Variants in DOCK3 observed in about 807,000 individuals in gnomAD.
The protein encoded by DOCK3 is dedicator of cytokinesis 3.
A neutral mutation model predicts 265.6 loss-of-function variants in DOCK3; 60 were observed. The observed-to-expected ratio is 0.23, with a 90% confidence interval of 0.18 to 0.28. DOCK3 has a LOEUF of 0.28. Ranked by LOEUF, DOCK3 falls within the 10% of genes least tolerant of loss-of-function variation. DOCK3 has a pLI of 1.00. For missense variants in DOCK3, 1,981 were observed against 2,594.3 expected (o/e 0.76, Z 5.14); for synonymous variants, 881 against 938.0 (o/e 0.94, Z 1.11).
intron 5 of DOCK3, among the ~76,000 whole-genome samples, chr3:50,998,019 T>A (rs983464816): frequency 5.9e-5 from 9 of 152,220 alleles, no homozygotes; most frequent in African/African-American, 2.2e-4. Flanking sequence ...GGGTACTATA[T>A]TACAAACTTT....
intron 3 of DOCK3, among the ~76,000 whole-genome samples, chr3:50,876,102 A>G (rs1271700202): frequency 6.6e-6 from 1 of 152,054 alleles, no homozygotes; most frequent in East Asian, 1.9e-4. Context: ...TTTCTGAGAA[A>G]CAGAACCTGT....
intron 12 of DOCK3, among the ~76,000 whole-genome samples, chr3:51,193,632 A>G (rs1259843665): frequency 6.6e-6 from 1 of 151,910 alleles, no homozygotes; most frequent in Non-Finnish European, 1.5e-5. Context: ...TTTCTTTCCA[A>G]TTCAATCTTG....
At chr3:51,023,519 G>A (rs1031445801) in intron 5 of DOCK3, among the ~76,000 whole-genome samples, 5 of 151,954 alleles carry the variant, frequency 3.3e-5, no homozygotes, top group African/African-American at 1.2e-4. Flanking sequence ...GGGTTTAAGC[G>A]ATTCTCCTGC....
intron 7 of DOCK3, among the ~76,000 whole-genome samples, chr3:51,088,561 A>C (rs543573626): frequency 3.3e-5 from 5 of 152,340 alleles, no homozygotes; most frequent in Admixed American, 3.3e-4. Flanking sequence ...ATCAATTTAA[A>C]CATTTTTAAA....
At chr3:51,149,478 G>T (rs2085471441) in intron 10 of DOCK3, among the ~76,000 whole-genome samples, 1 of 152,112 alleles carries the variant, frequency 6.6e-6, no homozygotes, top group South Asian at 2.1e-4. Flanking sequence ...CTGTGGGTTT[G>T]TCCTAAATAG....
At chr3:51,205,793 C>T (rs984748114) in intron 12 of DOCK3, among the ~76,000 whole-genome samples, 4 of 152,206 alleles carry the variant, frequency 2.6e-5, no homozygotes, top group Non-Finnish European at 4.4e-5. Context: ...TAAAAGGAAG[C>T]ATTGGTAATT....
chr3:50,680,649 G>A (rs953276781), intron 1 of DOCK3, among the ~76,000 whole-genome samples: 16 of 150,956 alleles, frequency 1.1e-4, no homozygotes, highest in African/African-American at 3.6e-4. Flanking sequence ...AGGACAACAG[G>A]TCCATGCCAC....
At chr3:51,009,208 G>C (rs181468206) in intron 5 of DOCK3, among the ~76,000 whole-genome samples, 72 of 152,226 alleles carry the variant, frequency 4.7e-4, no homozygotes, top group African/African-American at 1.7e-3. Context: ...ACTCGTCTTT[G>C]TACCTCTCAT....
At chr3:51,247,777 T>A (rs2078909151) in intron 22 of DOCK3, among the ~76,000 whole-genome samples, 1 of 152,170 alleles carries the variant, frequency 6.6e-6, no homozygotes. Flanking sequence ...GACCAGCCCA[T>A]CTTCTTGAAG....
chr3:51,368,765 G>A (rs1258987355), intron 49 of DOCK3, among the ~76,000 whole-genome samples: 1 of 152,208 alleles, frequency 6.6e-6, no homozygotes, highest in Non-Finnish European at 1.5e-5. Context: ...CCTCAAGTGG[G>A]TCCCTGAACC....
chr3:51,198,067 C>T (rs929948867), intron 12 of DOCK3, among the ~76,000 whole-genome samples: 7 of 152,208 alleles, frequency 4.6e-5, no homozygotes, highest in South Asian at 4.1e-4. Context: ...GTCCCATTAG[C>T]GACAGCTCGA....
chr3:50,840,653 A>G (rs1384671243), intron 2 of DOCK3, among the ~76,000 whole-genome samples: 2 of 152,214 alleles, frequency 1.3e-5, no homozygotes, highest in Non-Finnish European at 2.9e-5. Flanking sequence ...GGCTCTTTGA[A>G]GAGACTTACT....
intron 5 of DOCK3, among the ~76,000 whole-genome samples, chr3:50,958,124 A>G (rs554117967): frequency 1.3e-5 from 2 of 152,246 alleles, no homozygotes; most frequent in East Asian, 3.9e-4. Flanking sequence ...TATTGTCTGG[A>G]TATTCACCTC....
intron 2 of DOCK3, among the ~76,000 whole-genome samples, chr3:50,810,585 C>T (rs1422643188): frequency 6.6e-6 from 1 of 152,008 alleles, no homozygotes; most frequent in Non-Finnish European, 1.5e-5. Context: ...TAATGATTTG[C>T]ACACTTACGG....
intron 4 of DOCK3, 124 bp downstream of exon 4, chr3:50,890,205 G>C (rs1317929598): frequency 3.1e-6 from 2 of 642,752 alleles, no homozygotes; most frequent in Non-Finnish European, 4.8e-6. Context: ...AAATGTACAT[G>C]CTTTATCATG....
chr3:51,190,318 G>C (rs1195920375), intron 12 of DOCK3, among the ~76,000 whole-genome samples: 1 of 152,218 alleles, frequency 6.6e-6, no homozygotes, highest in Non-Finnish European at 1.5e-5. Flanking sequence ...AAGAGATCCA[G>C]TGATATGACC....
chr3:50,743,263 G>GCA (rs2039191654), intron 1 of DOCK3, among the ~76,000 whole-genome samples: 1 of 151,934 alleles, frequency 6.6e-6, no homozygotes, highest in African/African-American at 2.4e-5. Flanking sequence ...AGACCATCGA[G>GCA]GCTAGGAAGA....
intron 40 of DOCK3, among the ~76,000 whole-genome samples, chr3:51,354,180 C>T (rs1231547520): frequency 6.6e-6 from 1 of 151,828 alleles, no homozygotes; most frequent in Non-Finnish European, 1.5e-5. Context: ...TTTCTCCCAA[C>T]TAATAAAAGT....
intron 30 of DOCK3, 111 bp from the exon 31 acceptor site, chr3:51,312,733 T>C (rs2083154685): frequency 1.5e-6 from 2 of 1,306,156 alleles, no homozygotes; most frequent in East Asian, 2.5e-5. Flanking sequence ...GCTTAGCGCA[T>C]TGGGAAGCAT....
Sources: allele counts gnomAD v4.1 joint callset (sites outside exome capture counted in the v4.1 genomes callset), GRCh38; gene constraint gnomAD v4.1.1; transcripts MANE v1.5; gene names NCBI Gene and HGNC (gene_info 2026-07-23, HGNC 2026-07-21).